The following MSH4 variants were observed in gnomAD, a reference collection of about 807,000 sequenced individuals.
The protein encoded by MSH4 is mutS homolog 4, also known as mutS protein homolog 4.
MSH4 carries 106 observed loss-of-function variants against 113.7 expected under a neutral mutation model. That is an observed-to-expected ratio of 0.93 (90% CI 0.80 to 1.10). The LOEUF (loss-of-function observed/expected upper bound fraction) is 1.10, where lower values mean the gene tolerates loss of function less well. Among genes scored for constraint, MSH4 ranks in the 50% least tolerant of loss-of-function variants. The pLI is 0.00. For synonymous variants in MSH4, 368 were observed against 380.2 expected (o/e 0.97, Z 0.37); for missense variants, 1,061 against 1,093.7 (o/e 0.97, Z 0.42).
At chr1:75,888,070 G>A (rs1289722095) in intron 15 of MSH4, among the ~76,000 whole-genome samples, 8 of 149,750 alleles carry the variant, frequency 5.3e-5, no homozygotes, top group Admixed American at 1.4e-4. Flanking sequence ...TATAGGTGCC[G>A]TTATTATAAT....
chr1:75,884,007 C>T (rs1651991850), intron 15 of MSH4, among the ~76,000 whole-genome samples, 186 bp downstream of exon 15: 2 of 152,106 alleles, frequency 1.3e-5, no homozygotes, highest in South Asian at 4.1e-4. Flanking sequence ...TTATTAAGCT[C>T]CATCCAATTT....
intron 6 of MSH4, among the ~76,000 whole-genome samples, chr1:75,820,036 A>G (rs1428159083): frequency 6.6e-6 from 1 of 151,996 alleles, no homozygotes; most frequent in Non-Finnish European, 1.5e-5. Context: ...AGAATAGCTC[A>G]TTTCTTTATA....
chr1:75,880,077 T>C lies in MSH4; in HGVS notation c.1705T>C (p.Phe569Leu). Residue 569 changes from phenylalanine (F) to leucine (L), a missense_variant, in exon 13 of 20, where the codon TTT becomes CTT. Physicochemically the swap from Phe to Leu is conservative, Grantham distance 22. Coordinates refer to ENST00000263187, the MANE Select transcript of MSH4 (RefSeq NM_002440.4). ...TTCTAAAGTGAAAAATTCTTACAGC[T>C]TTACATCAGCAGATTTAATTAAAAT... is the stretch of plus-strand genomic sequence containing the variant. ...KISKVKNSYS[F>L]TSADLIKMNE... 4.4e-6 allele frequency: 7 copies of C among 1,595,140 alleles called. No individual in the cohort carries two copies. The highest frequency in any genetic ancestry group is 5.1e-6 in the Non-Finnish European group (6 of 1,168,788).
intron 8 of MSH4, among the ~76,000 whole-genome samples, chr1:75,859,746 G>T (rs189473729): frequency 6.6e-6 from 1 of 152,168 alleles, no homozygotes; most frequent in Non-Finnish European, 1.5e-5. Flanking sequence ...TGTTTATTTG[G>T]GGTGGAGAGT....
Position 75,832,804 on chromosome 1 carries a change from T to C in MSH4, c.1162+10223T>C, listed in dbSNP as rs1056485213. Among the ~76,000 whole-genome samples, 9 of 152,136 alleles carry C rather than the reference T, an allele frequency of 5.9e-5. 1 individual carries two copies. The highest frequency in any genetic ancestry group is 1.9e-4 in the East Asian group (1 of 5,182). ...CGTATCTCAAAATAATAATAGCTAT[T>C]TATGACACACCCACAGCCAATATCA... On this transcript the variant is annotated intron_variant, in intron 7 of 19. Coordinates refer to ENST00000263187, the MANE Select transcript of MSH4 (RefSeq NM_002440.4).
Position 75,907,689 on chromosome 1 carries a change from C to T in MSH4, c.2620-5007C>T, listed in dbSNP as rs200630467. On this transcript the variant is annotated intron_variant, in intron 19 of 19. Coordinates refer to ENST00000263187, the MANE Select transcript of MSH4 (RefSeq NM_002440.4). ...CTCTCTCTCTCTCTCTCTCTCTATA[C>T]ATATATATATATATATATATATATA... Among the ~76,000 whole-genome samples, 627 of 78,338 alleles carry T rather than the reference C, an allele frequency of 8.0e-3. 1 individual carries two copies. The highest frequency in any genetic ancestry group is 0.012 in the South Asian group (27 of 2,270). 51.4% of individuals were successfully genotyped at this position (78,338 alleles called of 152,430 possible). A position where few individuals can be genotyped will look rare whatever the true frequency, so the allele number is the denominator to read the frequency against.
intron 7 of MSH4, among the ~76,000 whole-genome samples, chr1:75,831,331 A>T (rs1218749928): frequency 6.6e-6 from 1 of 152,158 alleles, no homozygotes; most frequent in Non-Finnish European, 1.5e-5. Context: ...CTCCCACACA[A>T]TAATAGTCGG....
intron 17 of MSH4, among the ~76,000 whole-genome samples, chr1:75,895,476 TA>T (rs1201263408): frequency 6.6e-6 from 1 of 152,094 alleles, no homozygotes; most frequent in Non-Finnish European, 1.5e-5. Flanking sequence ...GAATAGGTAG[TA>T]AAAGGAAAAG....
At chr1:75,812,519 C>G (rs557942091) in intron 4 of MSH4, among the ~76,000 whole-genome samples, 1 of 152,192 alleles carries the variant, frequency 6.6e-6, no homozygotes, top group Admixed American at 6.5e-5. Flanking sequence ...TGGTGAAACC[C>G]CATCTCTACT....
intron 7 of MSH4, among the ~76,000 whole-genome samples, chr1:75,836,613 A>C (rs1194982323): frequency 6.6e-6 from 1 of 152,178 alleles, no homozygotes. Flanking sequence ...GCATATTGTT[A>C]AATGTAATGG....
chr1:75,822,975 T>C (rs753763320), intron 7 of MSH4, among the ~76,000 whole-genome samples: 18 of 152,240 alleles, frequency 1.2e-4, no homozygotes, highest in Non-Finnish European at 1.6e-4. Context: ...ACCTACTCCA[T>C]GGTTTAAAAC....
chr1:75,840,729 C>A (rs936571469), intron 7 of MSH4, among the ~76,000 whole-genome samples: 2 of 150,902 alleles, frequency 1.3e-5, no homozygotes, highest in African/African-American at 4.9e-5. Context: ...TTAAAAAAAA[C>A]CCATTACCTC....
At chr1:75,869,001 G>T (rs1287515434) in intron 9 of MSH4, among the ~76,000 whole-genome samples, 2 of 152,204 alleles carry the variant, frequency 1.3e-5, no homozygotes, top group Admixed American at 1.3e-4. Flanking sequence ...TTGGAACTGG[G>T]TAACAGGCAG....
At chr1:75,885,212 T>G (rs1011933648) in intron 15 of MSH4, among the ~76,000 whole-genome samples, 1 of 144,780 alleles carries the variant, frequency 6.9e-6, no homozygotes, top group Non-Finnish European at 1.5e-5. Context: ...GGTATATATA[T>G]ACCTTCTATA....
intron 4 of MSH4, among the ~76,000 whole-genome samples, chr1:75,813,248 C>T (rs1557492548): frequency 1.3e-5 from 2 of 152,104 alleles, no homozygotes; most frequent in African/African-American, 4.8e-5. Context: ...GGGGTAGATA[C>T]ACTATAATTG....
At position 75,876,970 on chromosome 1, in the gene MSH4, G is replaced by C; in HGVS notation, c.1340G>C (p.Arg447Thr). 1 of 1,564,114 alleles carries C rather than the reference G, an allele frequency of 6.4e-7. No individual in the cohort carries two copies. The highest frequency in any genetic ancestry group is 8.6e-7 in the Non-Finnish European group (1 of 1,156,218). The change falls in exon 10 of 20, where the codon AGA becomes ACA. Residue 447 changes from arginine (R) to threonine (T), a missense_variant. Physicochemically the swap from Arg to Thr is moderately conservative, Grantham distance 71 (BLOSUM62 -1). Transcript: ENST00000263187. ...AAGAACTGTAACACACCTTTATTAA[G>C]AGCTTACTATGGTTCCTTGGAAGAC... ...AMKNCNTPLL[R>T]AYYGSLEDKR...
intron 6 of MSH4, among the ~76,000 whole-genome samples, chr1:75,820,413 T>C (rs976813508): frequency 6.6e-6 from 1 of 152,200 alleles, no homozygotes; most frequent in Non-Finnish European, 1.5e-5. Flanking sequence ...CCTCCTTGTA[T>C]CTCTGGTAGA....
intron 1 of MSH4, among the ~76,000 whole-genome samples, chr1:75,797,619 AG>A (rs11321559): frequency 1 from 152,278 of 152,278 alleles, 76,139 homozygotes; most frequent in Non-Finnish European, 1. Context: ...CATCTAATTC[AG>A]GGAAAATAAT....
At chr1:75,885,025 A>ATG (rs1652034093) in intron 15 of MSH4, among the ~76,000 whole-genome samples, 1 of 121,480 alleles carries the variant, frequency 8.2e-6, no homozygotes, top group African/African-American at 3.6e-5. Context: ...GTGTATATAT[A>ATG]TATATGTGTG....
Sources: gnomAD v4.1 joint callset for allele counts (sites outside exome capture counted in the v4.1 genomes callset) on GRCh38, gnomAD v4.1.1 for gene constraint, MANE v1.5 for transcripts, NCBI Gene and HGNC (gene_info 2026-07-23, HGNC 2026-07-21) for gene names.